The following STAT5B variants were observed in gnomAD, a reference collection of about 807,000 sequenced individuals.
STAT5B encodes signal transducer and activator of transcription 5B, also known as transcription factor STAT5B.
In STAT5B, 21 loss-of-function variants were observed where a neutral mutation model predicts 107.8. That is an observed-to-expected ratio of 0.19 (90% CI 0.14 to 0.28). The LOEUF is 0.28. STAT5B is among the 10% of genes least tolerant of loss of function. STAT5B has a pLI of 1.00. For missense variants in STAT5B, 565 were observed against 1,008.2 expected, an observed-to-expected ratio of 0.56 and a Z score of 5.95; for synonymous variants, 325 against 401.7, an observed-to-expected ratio of 0.81 and a Z score of 2.28.
intron 1 of STAT5B, among the ~76,000 whole-genome samples, chr17:42,248,404 G>A (rs1446372851): frequency 1.3e-5 from 2 of 150,592 alleles, no homozygotes; most frequent in Non-Finnish European, 2.9e-5. Context: ...CGGTTATCCA[G>A]GTATAAAAAG....
intron 2 of STAT5B, among the ~76,000 whole-genome samples, chr17:42,228,474 TACTC>T (rs1455225933): frequency 6.6e-6 from 1 of 152,132 alleles, no homozygotes; most frequent in Non-Finnish European, 1.5e-5. Flanking sequence ...CCAAATTACT[TACTC>T]ACTGAAGAAA....
chr17:42,258,857 G>C (rs1324506916), intron 1 of STAT5B, among the ~76,000 whole-genome samples: 1 of 152,186 alleles, frequency 6.6e-6, no homozygotes, highest in Non-Finnish European at 1.5e-5. Flanking sequence ...CCTCACCTAG[G>C]GGGAACTAAA....
chr17:42,201,767 T>C lies in STAT5B; in HGVS notation c.2335A>G (p.Ser779Gly). 2 of 1,614,018 alleles carry C rather than the reference T, an allele frequency of 1.2e-6. No individual in the cohort carries two copies. Among genetic ancestry groups the C allele is most frequent in the African/African-American group, 1.3e-5 (1 of 75,050 alleles). The change falls in exon 19 of 19, where the codon AGT (serine) becomes GGT (glycine). Residue 779 changes from serine (S) to glycine (G), a missense_variant. By Grantham distance (56) the Ser-to-Gly change is moderately conservative (BLOSUM62 0). This residue lies in a region of STAT5B where 76 missense variants were observed against 110.2 expected (regional missense o/e 0.69). Transcript: ENST00000293328. ...VEELLGRPMD[S>G]QWIPHAQS is the part of the protein sequence containing the mutation. ...GATTGTGCGTGCGGGATCCACTGAC[T>C]GTCCATTGGCCGGCCCAGGAGCTCC...
chr17:42,244,092 CTTTT>C (rs201312693), intron 1 of STAT5B, among the ~76,000 whole-genome samples: 2 of 140,788 alleles, frequency 1.4e-5, no homozygotes, highest in Non-Finnish European at 1.5e-5. Context: ...CTTTTCTTTT[CTTTT>C]TTTTTTTTTG....
At chr17:42,211,720 A>G (rs572495839) in intron 13 of STAT5B, among the ~76,000 whole-genome samples, 7 of 152,292 alleles carry the variant, frequency 4.6e-5, no homozygotes, top group African/African-American at 1.7e-4. Context: ...AGCTATGTTA[A>G]CATCTGCTTT....
At chr17:42,207,890 T>TTTAC (rs751828947) in intron 15 of STAT5B, among the ~76,000 whole-genome samples, 162 bp from the exon 16 acceptor site, 3 of 152,138 alleles carry the variant, frequency 2.0e-5, no homozygotes, top group Non-Finnish European at 4.4e-5. Context: ...CTTTTATTTA[T>TTTAC]TTACTTACTT....
At chr17:42,264,334 T>A (rs1013400886) in intron 1 of STAT5B, among the ~76,000 whole-genome samples, 3 of 150,768 alleles carry the variant, frequency 2.0e-5, no homozygotes, top group African/African-American at 7.3e-5. Context: ...ATTAGGTATA[T>A]CTCCCAATGC....
upstream of STAT5B, among the ~76,000 whole-genome samples, chr17:42,278,901 C>A (rs911622492): frequency 1.3e-5 from 2 of 151,850 alleles, no homozygotes; most frequent in Admixed American, 1.3e-4. Context: ...ATTGCTTGAA[C>A]CCGAGAGGCA....
Position 42,218,863 on chromosome 17 carries a change from G to T in STAT5B, c.849C>A (p.Ala283=). Residue 283 remains alanine (A), a synonymous_variant, in exon 8 of 19, where the codon GCC becomes GCA. Transcript: ENST00000293328. ...GCTGCCGGTTCTGCCAGATGATCTCGGCCAACTTCTCACACCTGCACGAGA... is the reference window on the plus strand; with the variant it reads ...GCTGCCGGTTCTGCCAGATGATCTCTGCCAACTTCTCACACCTGCACGAGA... The part of the protein sequence containing the change: ...DVLQSWCEKL[A]EIIWQNRQQI... The T allele has an allele frequency of 1.9e-6, 3 of 1,613,728 alleles. No homozygotes were observed. Among genetic ancestry groups the T allele is most frequent in the Non-Finnish European group, 2.5e-6 (3 of 1,179,830 alleles).
intron 2 of STAT5B, among the ~76,000 whole-genome samples, chr17:42,229,151 A>ACCCAC (rs1274654843): frequency 1.3e-5 from 2 of 151,912 alleles, no homozygotes; most frequent in Admixed American, 1.3e-4. Context: ...TGGTCTGGAA[A>ACCCAC]CCCACTCTTT....
chr17:42,249,667 ATTT>A (rs903791612), intron 1 of STAT5B, among the ~76,000 whole-genome samples: 1 of 147,808 alleles, frequency 6.8e-6, no homozygotes, highest in African/African-American at 2.5e-5. Context: ...AGAAAATATA[ATTT>A]TTTTTTTTGA....
intron 13 of STAT5B, among the ~76,000 whole-genome samples, chr17:42,211,757 A>G (rs908006927): frequency 6.6e-6 from 1 of 152,208 alleles, no homozygotes; most frequent in South Asian, 2.1e-4. Flanking sequence ...AAAGGAAGAA[A>G]ATGCATTAAC....
At chr17:42,273,305 T>C (rs984402870) in intron 1 of STAT5B, among the ~76,000 whole-genome samples, 1 of 152,214 alleles carries the variant, frequency 6.6e-6, no homozygotes, top group Non-Finnish European at 1.5e-5. Context: ...ACCACACATT[T>C]GAGGACAGCG....
rs1004095956 is a variant in STAT5B, at chr17:42,199,396, A to T, written c.*2342T>A. 1.6e-4 allele frequency: 25 copies of T among 152,262 alleles called. 1 individual carries two copies. Among genetic ancestry groups the T allele is most frequent in the Non-Finnish European group, 2.9e-5 (2 of 68,042 alleles). The allele number at this position is 152,262 out of a possible 1,614,324, so 9.4% of individuals were successfully genotyped here. On this transcript the variant is annotated 3_prime_UTR_variant, in exon 19 of 19. Transcript: ENST00000293328. Reference sequence around the variant, plus strand: ...TTTAAAAAGAAAAATTATAAAAAGTATACTTTCATTTTAAGTTATATTCGA... The same window carrying T: ...TTTAAAAAGAAAAATTATAAAAAGTTTACTTTCATTTTAAGTTATATTCGA...
chr17:42,218,530 T>C (rs916592410), intron 8 of STAT5B, among the ~76,000 whole-genome samples, 193 bp downstream of exon 8: 21 of 152,102 alleles, frequency 1.4e-4, no homozygotes, highest in Admixed American at 1.1e-3. Context: ...GAAGCTGGCA[T>C]GGGCTGCAGC....
At position 42,210,441 on chromosome 17, in the gene STAT5B, T is replaced by G; in HGVS notation, c.1737A>C (p.Glu579Asp). 6.2e-7 allele frequency: 1 copy of G among 1,614,224 alleles called. No individual in the cohort carries two copies. The highest frequency in any genetic ancestry group is 8.5e-7 in the Non-Finnish European group (1 of 1,180,042). The stretch of plus-strand genomic sequence containing the variant: ...GAGGCTTGAGATGTTTTTTTAACAC[T>G]TCCATCACACCGTCAAACCATTGCC... ...TFWQWFDGVM[E>D]VLKKHLKPHW... The change falls in exon 14 of 19, where the codon GAA (glutamate) becomes GAC (aspartate). Residue 579 changes from glutamate (E) to aspartate (D), a missense_variant. This residue lies in a region of STAT5B where 127 missense variants were observed against 215.8 expected (regional missense o/e 0.59). Coordinates refer to ENST00000293328, the MANE Select transcript of STAT5B (RefSeq NM_012448.4).
intron 13 of STAT5B, among the ~76,000 whole-genome samples, 189 bp downstream of exon 13, chr17:42,211,795 T>A (rs1280792120): frequency 3.3e-5 from 5 of 152,218 alleles, no homozygotes; most frequent in Non-Finnish European, 7.3e-5. Flanking sequence ...TTATTTAAAA[T>A]ATGCAAAGAT....
chr17:42,211,105 A>C (rs185938423), intron 13 of STAT5B, among the ~76,000 whole-genome samples: 1 of 151,546 alleles, frequency 6.6e-6, no homozygotes. Context: ...GGAGGCTGAG[A>C]CAGGAGAATC....
At chr17:42,262,468 CT>C (rs145928107) in intron 1 of STAT5B, among the ~76,000 whole-genome samples, 8,609 of 152,052 alleles carry the variant, frequency 0.057, 779 homozygotes, top group African/African-American at 0.2. Flanking sequence ...TTAGGAATGA[CT>C]TATACCCAAG....
Sources: allele counts gnomAD v4.1 joint callset (sites outside exome capture counted in the v4.1 genomes callset), GRCh38; gene constraint gnomAD v4.1.1; regional missense constraint gnomAD v4.1.1; transcripts MANE v1.5; gene names NCBI Gene and HGNC (gene_info 2026-07-23, HGNC 2026-07-21).